KIAA0586: variants seen among roughly 807,000 people sequenced by gnomAD.
KIAA0586 encodes protein TALPID3.
Under a neutral mutation model 169.8 loss-of-function variants are expected in KIAA0586, and 144 were observed. The observed-to-expected ratio is 0.85, with a 90% CI of 0.74 to 0.97. The LOEUF is 0.97. Ranked by LOEUF, KIAA0586 falls within the 50% of genes least tolerant of loss-of-function variation. The pLI is 0.00. For synonymous variants in KIAA0586, 625 were observed against 612.4 expected, an observed-to-expected ratio of 1.02 and a Z score of -0.30; for missense variants, 1,854 against 1,823.0, an observed-to-expected ratio of 1.02 and a Z score of -0.31.
chr14:58,472,425 A>G, intron 18 of KIAA0586, 146 bp downstream of exon 18: 1 of 435,234 alleles, frequency 2.3e-6, no homozygotes, highest in Non-Finnish European at 4.1e-6. Context: ...TAAAAATTAT[A>G]AAGTTGTTAT....
At chr14:58,432,556 T>C (rs2037464048) in intron 4 of KIAA0586, 99 bp downstream of exon 4, 2 of 646,996 alleles carry the variant, frequency 3.1e-6, no homozygotes, top group South Asian at 4.2e-5. Flanking sequence ...ATGTGAAATA[T>C]ATATTGTGTG....
intron 3 of KIAA0586, among the ~76,000 whole-genome samples, chr14:58,431,880 A>G (rs2037402399): frequency 6.6e-6 from 1 of 152,096 alleles, no homozygotes; most frequent in Non-Finnish European, 1.5e-5. Context: ...CTTGAATGTT[A>G]TTAGTGTATA....
At chr14:58,528,508 C>T (rs1378249306) in intron 29 of KIAA0586, among the ~76,000 whole-genome samples, 2 of 152,216 alleles carry the variant, frequency 1.3e-5, no homozygotes, top group Non-Finnish European at 2.9e-5. Context: ...AACAGTCTCT[C>T]AGACCACAGT....
chr14:58,508,047 G>T lies in KIAA0586; in HGVS notation c.4169-508G>T, dbSNP rs543603255. On this transcript the variant is annotated intron_variant, in intron 27 of 30. Transcript: ENST00000652326. ...CATCCACCCACCTCAGCTTCCCAAA[G>T]TGCTGGATTACAGGCATGAGCTACT... 9.9e-5 allele frequency among the ~76,000 whole-genome samples: 15 copies of T among 152,172 alleles called. 1 individual carries two copies. The highest frequency in any genetic ancestry group is 2.9e-4 in the African/African-American group (12 of 41,516).
chr14:58,486,757 A>G (rs1350938980), intron 21 of KIAA0586, among the ~76,000 whole-genome samples: 3 of 152,218 alleles, frequency 2.0e-5, no homozygotes, highest in African/African-American at 7.2e-5. Context: ...AACGTAAATT[A>G]CTTCTTCTCT....
chr14:58,470,098 T>TGTGTGTGTGTGTA lies in KIAA0586; in HGVS notation c.2443-515_2443-514insGTGTGTGTGTGTA. On this transcript the variant is annotated intron_variant, in intron 16 of 30. Coordinates refer to ENST00000652326, the MANE Select transcript of KIAA0586 (RefSeq NM_001329943.3). The stretch of plus-strand genomic sequence containing the variant: ...AAAATGTGTGTGTGTGTGTGTGTGT[T>TGTGTGTGTGTGTA]TATGTGTGTGTAAGTTTTTTTTGTA... Among the ~76,000 whole-genome samples, 4 of 139,554 alleles carry TGTGTGTGTGTGTA rather than the reference T, an allele frequency of 2.9e-5. 1 individual carries two copies. 91.6% of individuals were successfully genotyped at this position (139,554 alleles called of 152,430 possible).
chr14:58,525,281 C>T (rs74056185), intron 29 of KIAA0586, among the ~76,000 whole-genome samples: 3,814 of 151,966 alleles, frequency 0.025, 164 homozygotes, highest in African/African-American at 0.084. Flanking sequence ...GATGGCTGAA[C>T]AGGAACAATT....
chr14:58,450,135 T>G (rs1391522860), intron 7 of KIAA0586, among the ~76,000 whole-genome samples: 5 of 152,198 alleles, frequency 3.3e-5, no homozygotes, highest in African/African-American at 1.2e-4. Flanking sequence ...AGTTTTTAGG[T>G]TTTCATCTTC....
Position 58,542,464 on chromosome 14 carries a change from G to T in KIAA0586, c.4495+2328G>T, listed in dbSNP as rs547047552. Among the ~76,000 whole-genome samples the T allele has an allele frequency of 3.3e-5, 5 of 150,098 alleles. 1 individual carries two copies. The highest frequency in any genetic ancestry group is 1.5e-5 in the Non-Finnish European group (1 of 67,640). On this transcript the variant is annotated intron_variant, in intron 30 of 30. Coordinates refer to ENST00000652326, the MANE Select transcript of KIAA0586 (RefSeq NM_001329943.3). Reference sequence around the variant, plus strand: ...TGCACTCCAGCCTGGGTGACAGAGCGATACTCCGTCTCAAAAAAAAAAAAA... The same window carrying T: ...TGCACTCCAGCCTGGGTGACAGAGCTATACTCCGTCTCAAAAAAAAAAAAA...
chr14:58,504,309 G>A (rs1451674841), intron 27 of KIAA0586, among the ~76,000 whole-genome samples: 1 of 152,122 alleles, frequency 6.6e-6, no homozygotes, highest in East Asian at 1.9e-4. Context: ...TTGAATGTGA[G>A]CAGTACAAAA....
At chr14:58,558,874 A>G in the KIAA0586 span, among the ~76,000 whole-genome samples, 19 of 152,356 alleles carry the variant, frequency 1.2e-4, no homozygotes, top group African/African-American at 4.6e-4. Flanking sequence ...ACAACAATAG[A>G]ATGGATTGGC....
At chr14:58,479,747 T>C (rs981630532) in intron 20 of KIAA0586, among the ~76,000 whole-genome samples, 4 of 152,192 alleles carry the variant, frequency 2.6e-5, no homozygotes, top group Admixed American at 2.6e-4. Context: ...TTTTGGCATA[T>C]GGATATCCAG....
intron 27 of KIAA0586, among the ~76,000 whole-genome samples, chr14:58,507,171 ATATATATGTGTATGTATGATTTT>A (rs2044021922): frequency 6.9e-6 from 1 of 145,210 alleles, no homozygotes; most frequent in African/African-American, 2.5e-5. Flanking sequence ...AAGTGTATAT[ATATATATGTGTATGTATGATTTT>A]TATATATATG....
intron 28 of KIAA0586, among the ~76,000 whole-genome samples, chr14:58,510,984 A>G (rs1327817299): frequency 1.3e-5 from 2 of 152,156 alleles, no homozygotes; most frequent in Admixed American, 6.6e-5. Flanking sequence ...AAAGGGCAAG[A>G]AGGAGAAGAT....
At chr14:58,495,343 G>A (rs1167039643) in intron 26 of KIAA0586, among the ~76,000 whole-genome samples, 2 of 151,920 alleles carry the variant, frequency 1.3e-5, no homozygotes, top group Non-Finnish European at 2.9e-5. Flanking sequence ...TCAGTCTGTT[G>A]TTCAGGCTGG....
chr14:58,551,068 A>T lies in KIAA0586; in HGVS notation c.*3136A>T, dbSNP rs1043966149. 1.5e-4 allele frequency: 23 copies of T among 152,138 alleles called. No individual in the cohort carries two copies. The highest frequency in any genetic ancestry group is 5.3e-4 in the African/African-American group (22 of 41,358). 9.4% of individuals were successfully genotyped at this position (152,138 alleles called of 1,614,324 possible). A position where few individuals can be genotyped will look rare whatever the true frequency, so the allele number is the denominator to read the frequency against. The stretch of plus-strand genomic sequence containing the variant: ...GCCAGGCATGGTGGCGTGTGCCTGT[A>T]ATCCCAGCTACTTGGGAGGCTGAGG... On this transcript the variant is annotated 3_prime_UTR_variant, in exon 31 of 31. Transcript: ENST00000652326.
At position 58,488,606 on chromosome 14, in the gene KIAA0586, T is replaced by C. The variant is rs752835695; in HGVS notation, c.3528-15T>C. 6.2e-7 allele frequency: 1 copy of C among 1,612,352 alleles called. No individual in the cohort carries two copies. Among genetic ancestry groups the C allele is most frequent in the Admixed American group, 1.7e-5 (1 of 59,918 alleles). On this transcript the variant is annotated splice_polypyrimidine_tract_variant and intron_variant, in intron 23 of 30. Coordinates refer to ENST00000652326, the MANE Select transcript of KIAA0586 (RefSeq NM_001329943.3). Reference sequence around the variant, plus strand: ...AGTGACCTAACAAGCTCCAAATATGTCTTTATTTTCTTAGTGTAATGTCTG... The same window carrying C: ...AGTGACCTAACAAGCTCCAAATATGCCTTTATTTTCTTAGTGTAATGTCTG...
At chr14:58,535,985 C>CTA (rs2046259639) in intron 29 of KIAA0586, among the ~76,000 whole-genome samples, 1 of 151,940 alleles carries the variant, frequency 6.6e-6, no homozygotes, top group Non-Finnish European at 1.5e-5. Flanking sequence ...GTAAGTATTA[C>CTA]TATACCAGTG....
chr14:58,476,856 G>A (rs1037738451), intron 19 of KIAA0586, among the ~76,000 whole-genome samples: 14 of 151,638 alleles, frequency 9.2e-5, no homozygotes, highest in Admixed American at 5.9e-4. Context: ...ACAGTGTTTT[G>A]CCCTGTTTGC....
Sources: gnomAD v4.1 joint callset for allele counts (sites outside exome capture counted in the v4.1 genomes callset) on GRCh38, gnomAD v4.1.1 for gene constraint, MANE v1.5 for transcripts, NCBI Gene and HGNC (gene_info 2026-07-23, HGNC 2026-07-21) for gene names.